The following LRRIQ1 variants were observed in gnomAD, a reference collection of about 807,000 sequenced individuals.
The protein encoded by LRRIQ1 is leucine-rich repeat- and IQ domain-containing protein 1.
Under a neutral mutation model 211.9 loss-of-function variants are expected in LRRIQ1, and 210 were observed. The observed-to-expected ratio is 0.99, with a 90% confidence interval of 0.89 to 1.11. The LOEUF is 1.11. Ranked by LOEUF, LRRIQ1 falls within the 50% of genes most tolerant of loss-of-function variation. The probability of loss-of-function intolerance (pLI) is 0.00; values close to 1 mark genes in which losing one functional copy is unlikely to be tolerated. For missense variants in LRRIQ1, 2,136 were observed against 1,939.5 expected, an observed-to-expected ratio of 1.10 and a Z score of -1.90; for synonymous variants, 699 against 650.1, an observed-to-expected ratio of 1.08 and a Z score of -1.14.
At chr12:85,073,231 A>G in intron 11 of LRRIQ1, 133 bp downstream of exon 11, 2 of 560,220 alleles carry the variant, frequency 3.6e-6, no homozygotes, top group Non-Finnish European at 6.0e-6. Context: ...CTGTTTTCAC[A>G]AAATAAGCTT....
intron 3 of LRRIQ1, among the ~76,000 whole-genome samples, chr12:85,042,617 ATTAT>A (rs1225877842): frequency 4.7e-5 from 7 of 150,410 alleles, no homozygotes; most frequent in Non-Finnish European, 1.0e-4. Flanking sequence ...TCTTATATGA[ATTAT>A]TTAATTTAAA....
In LRRIQ1 at chr12:85,052,185, G is replaced by A; in HGVS notation, c.687G>A (p.Gln229=). 1 of 1,528,370 alleles carries A rather than the reference G, an allele frequency of 6.5e-7. No homozygotes were observed. Among genetic ancestry groups the A allele is most frequent in the Non-Finnish European group, 8.9e-7 (1 of 1,121,984 alleles). The allele number at this position is 1,528,370 out of a possible 1,614,324, so 94.7% of individuals were successfully genotyped here. ...TATTATCATATGTTCAGCAAGAACA[G>A]GACAAGATGAATGATGAACTCTATA... ...KKLENIQKQE[Q]DKMNDELYKE... is the part of the protein sequence containing the mutation. The change falls in exon 7 of 27, where the codon CAG becomes CAA. Residue 229 remains glutamine, a synonymous_variant. Transcript: ENST00000393217.
intron 24 of LRRIQ1, among the ~76,000 whole-genome samples, chr12:85,173,851 A>G (rs1891548317): frequency 6.6e-6 from 1 of 152,154 alleles, no homozygotes; most frequent in Admixed American, 6.6e-5. Context: ...TATTTAGACC[A>G]TAGCACCATG....
chr12:85,264,709 C>A (rs866605059), downstream of LRRIQ1, among the ~76,000 whole-genome samples: 6 of 152,024 alleles, frequency 3.9e-5, no homozygotes, highest in Admixed American at 2.0e-4. Context: ...TTTTAAGATT[C>A]AGGGAGGTAA....
intron 15 of LRRIQ1, among the ~76,000 whole-genome samples, chr12:85,114,031 C>T (rs1334732536): frequency 2.0e-5 from 3 of 151,452 alleles, no homozygotes; most frequent in Non-Finnish European, 2.9e-5. Context: ...TCGATATTTC[C>T]ACTTACCTGT....
intron 13 of LRRIQ1, among the ~76,000 whole-genome samples, chr12:85,099,462 A>C (rs1273947359): frequency 6.6e-6 from 1 of 151,922 alleles, no homozygotes; most frequent in East Asian, 1.9e-4. Context: ...CTAAGGATAT[A>C]AAGTAACACT....
At chr12:85,077,451 G>A (rs1883782841) in intron 11 of LRRIQ1, among the ~76,000 whole-genome samples, 1 of 152,134 alleles carries the variant, frequency 6.6e-6, no homozygotes, top group East Asian at 1.9e-4. Flanking sequence ...TTATATTTAA[G>A]TCCTTTGAAA....
At chr12:85,193,072 A>G (rs1460972311) in intron 24 of LRRIQ1, among the ~76,000 whole-genome samples, 1 of 100,612 alleles carries the variant, frequency 9.9e-6, no homozygotes, top group African/African-American at 3.9e-5. Context: ...ATTATATTAT[A>G]TTTTATTATA....
In LRRIQ1 at chr12:85,066,740, TGCTTCAGGAAAAC is replaced by T. The variant is rs779286696; in HGVS notation, c.2545-7_2550del. The T allele has an allele frequency of 6.3e-7, 1 of 1,579,646 alleles. No homozygotes were observed. The highest frequency in any genetic ancestry group is 1.2e-5 in the South Asian group (1 of 84,724). On this transcript the variant is annotated splice_acceptor_variant and splice_polypyrimidine_tract_variant and coding_sequence_variant and intron_variant, in exon 10 of 27. Coordinates refer to ENST00000393217, the MANE Select transcript of LRRIQ1 (RefSeq NM_001079910.2). LOFTEE classifies it high-confidence loss of function. ...AATAAAACTAATTACATTTGTTCTT[TGCTTCAGGAAAAC>T]CATATTGAGGCTATTGAGTGTGAAA... is the stretch of plus-strand genomic sequence containing the variant.
chr12:85,129,963 G>T (rs1888638469), intron 18 of LRRIQ1, among the ~76,000 whole-genome samples: 1 of 152,096 alleles, frequency 6.6e-6, no homozygotes, highest in Admixed American at 6.6e-5. Flanking sequence ...TCACATTCCA[G>T]AATATGTGTT....
chr12:85,159,603 T>A (rs1288551504), intron 23 of LRRIQ1: 1 of 152,016 alleles, frequency 6.6e-6, no homozygotes, highest in Non-Finnish European at 1.5e-5. Flanking sequence ...AACCCAGGTC[T>A]GCTGAATTGT....
chr12:85,148,196 G>A lies in LRRIQ1; in HGVS notation c.4330-4084G>A, dbSNP rs181292617. Among the ~76,000 whole-genome samples the A allele has an allele frequency of 5.0e-4, 76 of 151,256 alleles. 1 individual carries two copies. In the East Asian group the frequency reaches 0.013, roughly 27 times the overall value. The stretch of plus-strand genomic sequence containing the variant: ...AATGTATTTATTTATTTTACTTTTA[G>A]TTCTGGGATACAAGTGCAGAACATG... On this transcript the variant is annotated intron_variant, in intron 19 of 26. Transcript: ENST00000393217.
At chr12:85,049,891 T>C (rs1454814490) in intron 6 of LRRIQ1, among the ~76,000 whole-genome samples, 1 of 152,214 alleles carries the variant, frequency 6.6e-6, no homozygotes, top group African/African-American at 2.4e-5. Flanking sequence ...TTACTTTCCC[T>C]TGACTTCTGT....
At chr12:85,100,880 CTATTTTAATT>C (rs932594151) in intron 13 of LRRIQ1, among the ~76,000 whole-genome samples, 1 of 151,628 alleles carries the variant, frequency 6.6e-6, no homozygotes, top group East Asian at 1.9e-4. Flanking sequence ...TAGAAATTAT[CTATTTTAATT>C]TATTTTAATT....
intron 18 of LRRIQ1, among the ~76,000 whole-genome samples, chr12:85,135,865 T>C (rs1165666984): frequency 6.6e-6 from 1 of 151,936 alleles, no homozygotes; most frequent in Non-Finnish European, 1.5e-5. Flanking sequence ...CCTTGGTTTC[T>C]TTAATGGAAA....
At chr12:85,073,500 AAAAG>A (rs1262570231) in intron 11 of LRRIQ1, among the ~76,000 whole-genome samples, 1 of 152,110 alleles carries the variant, frequency 6.6e-6, no homozygotes, top group Non-Finnish European at 1.5e-5. Context: ...CTTTAAAAAG[AAAAG>A]AAAGGCTGTT....
At chr12:85,107,695 CTGT>C (rs573541910) in intron 15 of LRRIQ1, among the ~76,000 whole-genome samples, 363 of 151,972 alleles carry the variant, frequency 2.4e-3, no homozygotes, top group Non-Finnish European at 4.4e-3. Context: ...CCAGGAGTTG[CTGT>C]TGTTTTCTTT....
At position 85,092,884 on chromosome 12, in the gene LRRIQ1, G is replaced by A. The variant is rs985935363; in HGVS notation, c.2888-5471G>A. 2.0e-5 allele frequency among the ~76,000 whole-genome samples: 3 copies of A among 152,180 alleles called. No individual in the cohort carries two copies. The East Asian group carries it at 5.8e-4, about 29-fold the overall frequency. The stretch of plus-strand genomic sequence containing the variant: ...TGATGAAGAGTTAATCCTGCCTGCT[G>A]CTAATGACATTTGTCATGAAGTTTT... On this transcript the variant is annotated intron_variant, in intron 11 of 26. Transcript: ENST00000393217.
intron 4 of LRRIQ1, 53 bp from the exon 5 acceptor site, chr12:85,045,967 T>G: frequency 9.8e-7 from 1 of 1,016,128 alleles, no homozygotes; most frequent in Non-Finnish European, 1.5e-6. Context: ...AAACGACAGC[T>G]TTACTCTCTA....
Sources: allele counts gnomAD v4.1 joint callset (sites outside exome capture counted in the v4.1 genomes callset), GRCh38; gene constraint gnomAD v4.1.1; transcripts MANE v1.5; gene names NCBI Gene and HGNC (gene_info 2026-07-23, HGNC 2026-07-21).